PLXNA4: variants seen among roughly 807,000 people sequenced by gnomAD.
The protein encoded by PLXNA4 is plexin A4, also known as plexin-A4.
In PLXNA4, 44 loss-of-function variants were observed where a neutral mutation model predicts 191.8. The ratio of observed to expected loss-of-function variants is 0.23; its 90% CI spans 0.18 to 0.29. The LOEUF (loss-of-function observed/expected upper bound fraction) is 0.29, where lower values mean the gene tolerates loss of function less well. PLXNA4 is among the 10% of genes least tolerant of loss of function. The pLI, the probability that PLXNA4 is intolerant of heterozygous loss-of-function variation, is 1.00. For synonymous variants in PLXNA4, 1,082 were observed against 1,009.5 expected (o/e 1.07, Z -1.36); for missense variants, 1,800 against 2,488.8 (o/e 0.72, Z 5.89).
chr7:132,505,716 C>T (rs1319968322), intron 2 of PLXNA4, among the ~76,000 whole-genome samples: 3 of 152,130 alleles, frequency 2.0e-5, no homozygotes, highest in Non-Finnish European at 4.4e-5. Context: ...TAGGCCAAGG[C>T]TCTCTAAAGG....
intron 3 of PLXNA4, chr7:132,383,393 A>G (rs938106482): frequency 3.6e-6 from 1 of 276,198 alleles, no homozygotes; most frequent in Admixed American, 6.5e-5. Flanking sequence ...TAAAAGTAAT[A>G]AATGCTCATT....
In PLXNA4 at chr7:132,456,527, C is replaced by T. The variant is rs1385370216; in HGVS notation, c.1371+32765G>A. Among the ~76,000 whole-genome samples, 5 of 152,124 alleles carry T rather than the reference C, an allele frequency of 3.3e-5. No individual in the cohort carries two copies. In the South Asian group the frequency reaches 6.2e-4, roughly 19 times the overall value. ...AAAACAACCAGAGGGACTAATCAAC[C>T]GGGTCTGGACAGTGATAGGATTAAA... is the stretch of plus-strand genomic sequence containing the variant. On this transcript the variant is annotated intron_variant, in intron 3 of 31. Coordinates refer to ENST00000321063, the MANE Select transcript of PLXNA4 (RefSeq NM_020911.2).
In PLXNA4 at chr7:132,560,454, C is replaced by G. The variant is rs190983848; in HGVS notation, c.-87+15968G>C. The stretch of plus-strand genomic sequence containing the variant: ...CGAAACATGAACCACTTGAAAAATG[C>G]AAGAATCTCTAGGTGGATCTTCTTG... On this transcript the variant is annotated intron_variant, in intron 1 of 31. Coordinates refer to ENST00000321063, the MANE Select transcript of PLXNA4 (RefSeq NM_020911.2). 2.6e-5 allele frequency among the ~76,000 whole-genome samples: 4 copies of G among 152,264 alleles called. 1 individual carries two copies. Among genetic ancestry groups the G allele is most frequent in the Admixed American group, 2.6e-4 (4 of 15,300 alleles).
intron 5 of PLXNA4, among the ~76,000 whole-genome samples, chr7:132,231,996 G>A (rs1798540039): frequency 1.3e-5 from 2 of 152,196 alleles, no homozygotes; most frequent in Admixed American, 1.3e-4. Flanking sequence ...ATTCATGAGG[G>A]TGGAGGCTAC....
At chr7:132,375,767 C>A (rs142405071) in intron 3 of PLXNA4, among the ~76,000 whole-genome samples, 425 of 152,208 alleles carry the variant, frequency 2.8e-3, no homozygotes, top group South Asian at 0.011. Context: ...ACACTGTAGG[C>A]AGAGCTACAT....
chr7:132,616,291 A>T (rs755633126), intron 2 of PLXNA4, among the ~76,000 whole-genome samples: 81 of 152,104 alleles, frequency 5.3e-4, no homozygotes, highest in Non-Finnish European at 1.9e-4. Flanking sequence ...TCCTCTGTCT[A>T]CCTTGCCTGC....
At chr7:132,561,054 T>G (rs1020246447) in intron 1 of PLXNA4, among the ~76,000 whole-genome samples, 2 of 152,094 alleles carry the variant, frequency 1.3e-5, no homozygotes, top group Non-Finnish European at 2.9e-5. Flanking sequence ...TGCTGCCTGA[T>G]GGATAAATCC....
At chr7:132,584,670 C>T (rs751606063) in intron 2 of PLXNA4, among the ~76,000 whole-genome samples, 3 of 152,134 alleles carry the variant, frequency 2.0e-5, no homozygotes, top group Non-Finnish European at 4.4e-5. Context: ...TAGGCTTGTA[C>T]ATACATAGGA....
chr7:132,460,041 C>G (rs1796448795), intron 3 of PLXNA4, among the ~76,000 whole-genome samples: 1 of 151,340 alleles, frequency 6.6e-6, no homozygotes, highest in African/African-American at 2.4e-5. Context: ...TGGCTGTGTA[C>G]AATTCAGATA....
intron 3 of PLXNA4, among the ~76,000 whole-genome samples, chr7:132,338,930 C>G (rs1324310557): frequency 6.6e-6 from 1 of 152,182 alleles, no homozygotes; most frequent in African/African-American, 2.4e-5. Flanking sequence ...GCTCAACTCA[C>G]TGCTGGCGAG....
In PLXNA4 at chr7:132,127,817, T is replaced by G. The variant is rs1281380295; in HGVS notation, c.*2662A>C. 3 of 151,942 alleles carry G rather than the reference T, an allele frequency of 2.0e-5. No homozygotes were observed. Among genetic ancestry groups the G allele is most frequent in the Non-Finnish European group, 4.4e-5 (3 of 67,956 alleles). 9.4% of individuals were successfully genotyped at this position (151,942 alleles called of 1,614,324 possible). On this transcript the variant is annotated 3_prime_UTR_variant, in exon 32 of 32. Transcript: ENST00000321063. ...TTTCTTCCTAACCTTTCTATTTCTC[T>G]GAGGTGTTTGAAATTTTTCTTATAA...
At chr7:132,437,115 T>C (rs1795501859) in intron 3 of PLXNA4, among the ~76,000 whole-genome samples, 1 of 152,218 alleles carries the variant, frequency 6.6e-6, no homozygotes, top group Admixed American at 6.5e-5. Flanking sequence ...ATATTTTCTT[T>C]TCCTTTGTTC....
chr7:132,534,322 TACTA>T (rs1427834025), intron 1 of PLXNA4, among the ~76,000 whole-genome samples: 2 of 152,128 alleles, frequency 1.3e-5, no homozygotes, highest in Admixed American at 1.3e-4. Context: ...CCACCGCCCC[TACTA>T]ACTACTTCCA....
At chr7:132,534,825 A>G (rs769521232) in intron 1 of PLXNA4, among the ~76,000 whole-genome samples, 1 of 152,244 alleles carries the variant, frequency 6.6e-6, no homozygotes, top group Non-Finnish European at 1.5e-5. Context: ...CAGGTGCCTG[A>G]GAGCAGATGG....
At chr7:132,642,122 T>G (rs765319411) in intron 2 of PLXNA4, among the ~76,000 whole-genome samples, 31 of 152,168 alleles carry the variant, frequency 2.0e-4, no homozygotes, top group Non-Finnish European at 3.8e-4. Flanking sequence ...TTACTGAAGA[T>G]TTCAATGACA....
At chr7:132,306,009 C>T (rs757211313) in intron 3 of PLXNA4, among the ~76,000 whole-genome samples, 4 of 152,056 alleles carry the variant, frequency 2.6e-5, no homozygotes, top group Non-Finnish European at 4.4e-5. Flanking sequence ...ACAGAGCAAA[C>T]CTGGAGGCAT....
At chr7:132,434,569 C>T (rs1416611592) in intron 3 of PLXNA4, among the ~76,000 whole-genome samples, 1 of 152,234 alleles carries the variant, frequency 6.6e-6, no homozygotes, top group Non-Finnish European at 1.5e-5. Context: ...ACAACTATTG[C>T]TTTCTTTGTA....
chr7:132,250,190 C>T (rs1400680554), intron 4 of PLXNA4, among the ~76,000 whole-genome samples: 3 of 152,166 alleles, frequency 2.0e-5, no homozygotes, highest in Non-Finnish European at 2.9e-5. Flanking sequence ...TGGGATGACA[C>T]ATATGAATGT....
At chr7:132,492,718 G>A (rs1205248697) in intron 2 of PLXNA4, among the ~76,000 whole-genome samples, 1 of 152,156 alleles carries the variant, frequency 6.6e-6, no homozygotes, top group Non-Finnish European at 1.5e-5. Context: ...GGTTCAAATG[G>A]CAGCTCAGCT....
Sources: allele counts gnomAD v4.1 joint callset (sites outside exome capture counted in the v4.1 genomes callset), GRCh38; gene constraint gnomAD v4.1.1; transcripts MANE v1.5; gene names NCBI Gene and HGNC (gene_info 2026-07-23, HGNC 2026-07-21).